H4C3: variants seen among roughly 807,000 people sequenced by gnomAD.
H4C3 encodes the protein H4 clustered histone 3.
In H4C3, 10 loss-of-function variants were observed where a neutral mutation model predicts 5.3. The ratio of observed to expected loss-of-function variants is 1.87; its 90% CI spans 1.16 to 3.18. The LOEUF (loss-of-function observed/expected upper bound fraction) is 3.18. H4C3 is among the 30% of genes most tolerant of loss of function. The pLI is 0.00. For missense variants in H4C3, 191 were observed against 152.5 expected (o/e 1.25, Z -1.33); for synonymous variants, 133 against 56.8 (o/e 2.34, Z -6.03).
At position 26,104,311 on chromosome 6, in the gene H4C3, C is replaced by T. The variant is rs750973238; in HGVS notation, c.*52C>T. The T allele has an allele frequency of 4.0e-6, 6 of 1,492,316 alleles. No individual in the cohort carries two copies. Among genetic ancestry groups the T allele is most frequent in the Admixed American group, 2.3e-5 (1 of 44,382 alleles). 92.4% of individuals were successfully genotyped at this position (1,492,316 alleles called of 1,614,324 possible). A position where few individuals can be genotyped will look rare whatever the true frequency, so the allele number is the denominator to read the frequency against. Reference sequence around the variant, plus strand: ...ACTTCAAAAAACAAAAACAAAAAAACCCAAAGGCCCTTTTCAGGGCCGCTC... The same window carrying T: ...ACTTCAAAAAACAAAAACAAAAAAATCCAAAGGCCCTTTTCAGGGCCGCTC... On this transcript the variant is annotated 3_prime_UTR_variant, in exon 1 of 1. Transcript: ENST00000377803.
At position 26,104,298 on chromosome 6, in the gene H4C3, A is replaced by G. The variant is rs780951094; in HGVS notation, c.*39A>G. 2.6e-6 allele frequency: 4 copies of G among 1,524,296 alleles called. No homozygotes were observed. The highest frequency in any genetic ancestry group is 1.3e-5 in the South Asian group (1 of 77,508). The allele number at this position is 1,524,296 out of a possible 1,614,324, so 94.4% of individuals were successfully genotyped here. A position where few individuals can be genotyped will look rare whatever the true frequency, so the allele number is the denominator to read the frequency against. The stretch of plus-strand genomic sequence containing the variant: ...CGGTCTCCTGAGAACTTCAAAAAAC[A>G]AAAACAAAAAAACCCAAAGGCCCTT... On this transcript the variant is annotated 3_prime_UTR_variant, in exon 1 of 1. Transcript: ENST00000377803.
Position 26,104,318 on chromosome 6 carries a change from G to T in H4C3, c.*59G>T. On this transcript the variant is annotated 3_prime_UTR_variant, in exon 1 of 1. Coordinates refer to ENST00000377803, the MANE Select transcript of H4C3 (RefSeq NM_003542.4). ...AAAACAAAAACAAAAAAACCCAAAG[G>T]CCCTTTTCAGGGCCGCTCACAAAGT... The T allele has an allele frequency of 3.4e-6, 5 of 1,458,412 alleles. No individual in the cohort carries two copies. The highest frequency in any genetic ancestry group is 4.6e-6 in the Non-Finnish European group (5 of 1,084,788). 90.3% of individuals were successfully genotyped at this position (1,458,412 alleles called of 1,614,324 possible). A position where few individuals can be genotyped will look rare whatever the true frequency, so the allele number is the denominator to read the frequency against.
rs1171939602 is a variant in H4C3 at position 26,103,963 on chromosome 6, A to G, written c.16A>G (p.Lys6Glu). Residue 6 changes from lysine to glutamate, a missense_variant, in exon 1 of 1, where the codon AAA (lysine) becomes GAA (glutamate). Lys to Glu is a moderately conservative substitution (Grantham distance 56). Transcript: ENST00000377803. ...GATAGGAATCATGTCTGGTCGCGGCAAAGGCGGAAAAGGCTTGGGGAAGGG... is the reference window on the plus strand; with the variant it reads ...GATAGGAATCATGTCTGGTCGCGGCGAAGGCGGAAAAGGCTTGGGGAAGGG... MSGRG[K>E]GGKGLGKGGA... 1.9e-6 allele frequency: 3 copies of G among 1,607,934 alleles called. No homozygotes were observed. The highest frequency in any genetic ancestry group is 1.7e-5 in the Admixed American group (1 of 59,792).
chr6:26,104,062 G>A lies in H4C3; in HGVS notation c.115G>A (p.Ala39Thr). The change falls in exon 1 of 1, where the codon GCT becomes ACT. Residue 39 changes from alanine to threonine, a missense_variant. Physicochemically the swap from Ala to Thr is moderately conservative, Grantham distance 58 (BLOSUM62 0). Coordinates refer to ENST00000377803, the MANE Select transcript of H4C3 (RefSeq NM_003542.4). ...TACAAAACCGGCTATTCGCCGTTTG[G>A]CTCGGCGCGGTGGCGTCAAGCGCAT... The part of the protein sequence containing the change: ...GITKPAIRRL[A>T]RRGGVKRISG... 1.2e-6 allele frequency: 2 copies of A among 1,614,186 alleles called. No homozygotes were observed. Among genetic ancestry groups the A allele is most frequent in the Non-Finnish European group, 8.5e-7 (1 of 1,180,036 alleles).
chr6:26,104,323 T>A lies in H4C3; in HGVS notation c.*64T>A. 1 of 1,411,106 alleles carries A rather than the reference T, an allele frequency of 7.1e-7. No homozygotes were observed. The highest frequency in any genetic ancestry group is 1.5e-5 in the South Asian group (1 of 68,594). 87.4% of individuals were successfully genotyped at this position (1,411,106 alleles called of 1,614,324 possible). On this transcript the variant is annotated 3_prime_UTR_variant, in exon 1 of 1. Coordinates refer to ENST00000377803, the MANE Select transcript of H4C3 (RefSeq NM_003542.4). ...AAAAACAAAAAAACCCAAAGGCCCT[T>A]TTCAGGGCCGCTCACAAAGTCGTTT... is the stretch of plus-strand genomic sequence containing the variant.
chr6:26,104,270 A>G lies in H4C3; in HGVS notation c.*11A>G, dbSNP rs981085380. ...GGCTTCGGCGGCTGAATCTAAGAATACGCGGTCTCCTGAGAACTTCAAAAA... is the reference window on the plus strand; with the variant it reads ...GGCTTCGGCGGCTGAATCTAAGAATGCGCGGTCTCCTGAGAACTTCAAAAA... On this transcript the variant is annotated 3_prime_UTR_variant, in exon 1 of 1. Coordinates refer to ENST00000377803, the MANE Select transcript of H4C3 (RefSeq NM_003542.4). The G allele has an allele frequency of 3.8e-6, 6 of 1,581,230 alleles. No individual in the cohort carries two copies. The highest frequency in any genetic ancestry group is 5.2e-6 in the Non-Finnish European group (6 of 1,159,814).
Position 26,104,238 on chromosome 6 carries a change from T to A in H4C3, c.291T>A (p.Thr97=). ...VVYALKRQGR[T]LYGFGG ...ATGCCCTAAAACGTCAGGGGCGCACTCTGTATGGCTTCGGCGGCTGAATCT... is the reference window on the plus strand; with the variant it reads ...ATGCCCTAAAACGTCAGGGGCGCACACTGTATGGCTTCGGCGGCTGAATCT... The change falls in exon 1 of 1, where the codon ACT becomes ACA. Residue 97 remains threonine (T), a synonymous_variant. Transcript: ENST00000377803. 4 of 1,599,040 alleles carry A rather than the reference T, an allele frequency of 2.5e-6. No individual in the cohort carries two copies. Among genetic ancestry groups the A allele is most frequent in the Non-Finnish European group, 3.4e-6 (4 of 1,168,454 alleles).
rs747230614 is a variant in H4C3, at chr6:26,103,957, C to CGCGGCAAAG, written c.15_23dup (p.Gly8_Gly10dup). 1 of 1,605,622 alleles carries CGCGGCAAAG rather than the reference C, an allele frequency of 6.2e-7. No homozygotes were observed. The highest frequency in any genetic ancestry group is 2.2e-5 in the East Asian group (1 of 44,574). On this transcript the variant is annotated inframe_insertion, in exon 1 of 1. Transcript: ENST00000377803. ...CACTGCGATAGGAATCATGTCTGGTCGCGGCAAAGGCGGAAAAGGCTTGGG... is the reference window on the plus strand; with the variant it reads ...CACTGCGATAGGAATCATGTCTGGTCGCGGCAAAGGCGGCAAAGGCGGAAAAGGCTTGGG...
rs974530700 is a variant in H4C3 at position 26,103,936 on chromosome 6, G to A, written c.-12G>A. 7.5e-6 allele frequency: 12 copies of A among 1,594,798 alleles called. No homozygotes were observed. The highest frequency in any genetic ancestry group is 2.7e-5 in the African/African-American group (2 of 74,268). ...ACTGTTTCAGTTCATACCTTCCACT[G>A]CGATAGGAATCATGTCTGGTCGCGG... is the stretch of plus-strand genomic sequence containing the variant. On this transcript the variant is annotated 5_prime_UTR_variant, in exon 1 of 1. Transcript: ENST00000377803.
At position 26,104,180 on chromosome 6, in the gene H4C3, A is replaced by G; in HGVS notation, c.233A>G (p.Lys78Arg). ...GCCGTCACCTATACGGAGCACGCCAAGCGCAAAACTGTCACAGCCATGGAT... is the reference window on the plus strand; with the variant it reads ...GCCGTCACCTATACGGAGCACGCCAGGCGCAAAACTGTCACAGCCATGGAT... The part of the protein sequence containing the change: ...RDAVTYTEHA[K>R]RKTVTAMDVV... Residue 78 changes from lysine to arginine, a missense_variant, in exon 1 of 1, where the codon AAG (lysine) becomes AGG (arginine). Transcript: ENST00000377803. The G allele has an allele frequency of 2.5e-6, 4 of 1,614,166 alleles. No individual in the cohort carries two copies. The highest frequency in any genetic ancestry group is 3.4e-6 in the Non-Finnish European group (4 of 1,180,030).
Position 26,104,041 on chromosome 6 carries a change from A to T in H4C3, c.94A>T (p.Lys32Ter). 2 of 1,614,188 alleles carry T rather than the reference A, an allele frequency of 1.2e-6. No individual in the cohort carries two copies. The highest frequency in any genetic ancestry group is 1.7e-6 in the Non-Finnish European group (2 of 1,180,034). ...CCGGGATAACATCCAGGGCATTACAAAACCGGCTATTCGCCGTTTGGCTCG... is the reference window on the plus strand; with the variant it reads ...CCGGGATAACATCCAGGGCATTACATAACCGGCTATTCGCCGTTTGGCTCG... ...VLRDNIQGIT[K>*]PAIRRLARRG... Residue 32 changes from lysine to a stop codon, truncating the protein, a stop_gained, in exon 1 of 1, where the codon AAA becomes TAA. Transcript: ENST00000377803. LOFTEE classifies it high-confidence loss of function.
chr6:26,104,116 G>T lies in H4C3; in HGVS notation c.169G>T (p.Gly57Cys), dbSNP rs550210245. Residue 57 changes from glycine (G) to cysteine (C), a missense_variant, in exon 1 of 1, where the codon GGT becomes TGT. Coordinates refer to ENST00000377803, the MANE Select transcript of H4C3 (RefSeq NM_003542.4). ...ISGLIYEETR[G>C]VLKVFLENVI... ...CGGTCTTATCTATGAGGAGACTCGA[G>T]GTGTGCTTAAGGTTTTCTTAGAGAA... 1 of 1,614,172 alleles carries T rather than the reference G, an allele frequency of 6.2e-7. No individual in the cohort carries two copies. Among genetic ancestry groups the T allele is most frequent in the South Asian group, 1.1e-5 (1 of 91,076 alleles).
rs139978722 is a variant in H4C3 at position 26,103,977 on chromosome 6, C to G, written c.30C>G (p.Gly10=). 6 of 1,611,538 alleles carry G rather than the reference C, an allele frequency of 3.7e-6. No individual in the cohort carries two copies. Among genetic ancestry groups the G allele is most frequent in the Non-Finnish European group, 5.1e-6 (6 of 1,177,966 alleles). ...CTGGTCGCGGCAAAGGCGGAAAAGGCTTGGGGAAGGGTGGTGCTAAGCGCC... is the reference window on the plus strand; with the variant it reads ...CTGGTCGCGGCAAAGGCGGAAAAGGGTTGGGGAAGGGTGGTGCTAAGCGCC... MSGRGKGGK[G]LGKGGAKRHR... is the part of the protein sequence containing the mutation. Residue 10 remains glycine, a synonymous_variant, in exon 1 of 1, where the codon GGC becomes GGG. Transcript: ENST00000377803.
chr6:26,104,142 C>T lies in H4C3; in HGVS notation c.195C>T (p.Asn65=), dbSNP rs760797342. The T allele has an allele frequency of 1.7e-5, 27 of 1,614,004 alleles. No individual in the cohort carries two copies. The Middle Eastern group carries it at 1.2e-3, about 69-fold the overall frequency. ...GTGTGCTTAAGGTTTTCTTAGAGAA[C>T]GTTATTCGAGACGCCGTCACCTATA... The part of the protein sequence containing the change: ...TRGVLKVFLE[N]VIRDAVTYTE... The change falls in exon 1 of 1, where the codon AAC becomes AAT. Residue 65 remains asparagine (N), a synonymous_variant. Coordinates refer to ENST00000377803, the MANE Select transcript of H4C3 (RefSeq NM_003542.4).
At position 26,104,251 on chromosome 6, in the gene H4C3, G is replaced by A. The variant is rs1368499492; in HGVS notation, c.304G>A (p.Gly102Ser). 1 of 1,587,986 alleles carries A rather than the reference G, an allele frequency of 6.3e-7. No individual in the cohort carries two copies. The highest frequency in any genetic ancestry group is 8.6e-7 in the Non-Finnish European group (1 of 1,162,580). Reference sequence around the variant, plus strand: ...TCAGGGGCGCACTCTGTATGGCTTCGGCGGCTGAATCTAAGAATACGCGGT... The same window carrying A: ...TCAGGGGCGCACTCTGTATGGCTTCAGCGGCTGAATCTAAGAATACGCGGT... Reference protein sequence around the residue: ...KRQGRTLYGFGG With the variant: ...KRQGRTLYGFSG Residue 102 changes from glycine to serine, a missense_variant, in exon 1 of 1, where the codon GGC becomes AGC. Gly to Ser is a moderately conservative substitution (Grantham distance 56). Transcript: ENST00000377803.
chr6:26,104,304 A>T lies in H4C3; in HGVS notation c.*45A>T. On this transcript the variant is annotated 3_prime_UTR_variant, in exon 1 of 1. Coordinates refer to ENST00000377803, the MANE Select transcript of H4C3 (RefSeq NM_003542.4). ...CCTGAGAACTTCAAAAAACAAAAACAAAAAAACCCAAAGGCCCTTTTCAGG... is the reference window on the plus strand; with the variant it reads ...CCTGAGAACTTCAAAAAACAAAAACTAAAAAACCCAAAGGCCCTTTTCAGG... 6.6e-7 allele frequency: 1 copy of T among 1,507,320 alleles called. No homozygotes were observed. The highest frequency in any genetic ancestry group is 8.9e-7 in the Non-Finnish European group (1 of 1,123,962). 93.4% of individuals were successfully genotyped at this position (1,507,320 alleles called of 1,614,324 possible).
Position 26,103,933 on chromosome 6 carries a change from AC to A in H4C3, c.-14del, listed in dbSNP as rs1225844656. Reference sequence around the variant, plus strand: ...GGAACTGTTTCAGTTCATACCTTCCACTGCGATAGGAATCATGTCTGGTCGC... The same window carrying A: ...GGAACTGTTTCAGTTCATACCTTCCATGCGATAGGAATCATGTCTGGTCGC... On this transcript the variant is annotated 5_prime_UTR_variant, in exon 1 of 1. In the 5' UTR this introduces an upstream ATG that the reference lacks. Coordinates refer to ENST00000377803, the MANE Select transcript of H4C3 (RefSeq NM_003542.4). 1 of 1,590,872 alleles carries A rather than the reference AC, an allele frequency of 6.3e-7. No individual in the cohort carries two copies. The highest frequency in any genetic ancestry group is 1.7e-5 in the Admixed American group (1 of 58,364).
chr6:26,103,938 G>C lies in H4C3; in HGVS notation c.-10G>C, dbSNP rs369373723. On this transcript the variant is annotated 5_prime_UTR_variant, in exon 1 of 1. Coordinates refer to ENST00000377803, the MANE Select transcript of H4C3 (RefSeq NM_003542.4). ...TGTTTCAGTTCATACCTTCCACTGCGATAGGAATCATGTCTGGTCGCGGCA... is the reference window on the plus strand; with the variant it reads ...TGTTTCAGTTCATACCTTCCACTGCCATAGGAATCATGTCTGGTCGCGGCA... The C allele has an allele frequency of 5.0e-6, 8 of 1,595,654 alleles. No homozygotes were observed. Among genetic ancestry groups the C allele is most frequent in the Admixed American group, 1.7e-5 (1 of 58,898 alleles).
In H4C3 at chr6:26,103,999, C is replaced by A. The variant is rs757621417; in HGVS notation, c.52C>A (p.Arg18Ser). ...GKGLGKGGAKRHRKVLRDNIQ... is the reference protein window; with the variant it reads ...GKGLGKGGAKSHRKVLRDNIQ... ...AGGCTTGGGGAAGGGTGGTGCTAAG[C>A]GCCATCGTAAGGTGCTCCGGGATAA... is the stretch of plus-strand genomic sequence containing the variant. Residue 18 changes from arginine to serine, a missense_variant, in exon 1 of 1, where the codon CGC becomes AGC. Arg to Ser is a moderately radical substitution (Grantham distance 110, BLOSUM62 -1). Transcript: ENST00000377803. 6.2e-7 allele frequency: 1 copy of A among 1,613,940 alleles called. No individual in the cohort carries two copies. The highest frequency in any genetic ancestry group is 8.5e-7 in the Non-Finnish European group (1 of 1,179,868).
Sources: allele counts gnomAD v4.1 joint callset, GRCh38; gene constraint gnomAD v4.1.1; transcripts MANE v1.5; gene names NCBI Gene and HGNC (gene_info 2026-07-23, HGNC 2026-07-21).